The following FRMD4A variants were observed in gnomAD, a reference collection of about 807,000 sequenced individuals.
FRMD4A encodes the protein FERM domain-containing protein 4A.
FRMD4A carries 29 observed loss-of-function variants against 129.1 expected under a neutral mutation model. The ratio of observed to expected loss-of-function variants is 0.22; its 90% CI spans 0.17 to 0.31. The LOEUF (loss-of-function observed/expected upper bound fraction) is 0.31. Ranked by LOEUF, FRMD4A falls within the 10% of genes least tolerant of loss-of-function variation. The pLI, the probability that FRMD4A is intolerant of heterozygous loss-of-function variation, is 1.00. For missense variants in FRMD4A, 1,272 were observed against 1,375.8 expected, an observed-to-expected ratio of 0.92 and a Z score of 1.19; for synonymous variants, 634 against 571.6, an observed-to-expected ratio of 1.11 and a Z score of -1.56.
chr10:14,117,930 G>C (rs1039954776), intron 2 of FRMD4A, among the ~76,000 whole-genome samples: 5 of 152,116 alleles, frequency 3.3e-5, no homozygotes, highest in Non-Finnish European at 7.3e-5. Context: ...TCCCTAGAAA[G>C]TACCCTCGTG....
At chr10:13,728,471 A>G (rs1248732357) in intron 12 of FRMD4A, among the ~76,000 whole-genome samples, 1 of 151,054 alleles carries the variant, frequency 6.6e-6, no homozygotes. Flanking sequence ...ACTTTCCCCC[A>G]TGAATACTCA....
intron 2 of FRMD4A, among the ~76,000 whole-genome samples, chr10:13,953,194 C>T (rs1465026627): frequency 6.6e-6 from 1 of 152,156 alleles, no homozygotes; most frequent in African/African-American, 2.4e-5. Context: ...ATGCTCTTCC[C>T]CTTGTGAAAC....
intron 2 of FRMD4A, among the ~76,000 whole-genome samples, chr10:13,896,226 T>C (rs2094756671): frequency 6.6e-6 from 1 of 152,194 alleles, no homozygotes. Context: ...ACATATATGT[T>C]TATTGCAGCA....
intron 2 of FRMD4A, among the ~76,000 whole-genome samples, chr10:14,056,519 T>A (rs1261555343): frequency 6.6e-6 from 1 of 152,140 alleles, no homozygotes; most frequent in African/African-American, 2.4e-5. Context: ...CTAACTATAT[T>A]TTTTTGTACC....
intron 2 of FRMD4A, among the ~76,000 whole-genome samples, chr10:13,918,149 AT>A (rs969807321): frequency 6.6e-6 from 1 of 151,916 alleles, no homozygotes; most frequent in Admixed American, 6.5e-5. Flanking sequence ...ATGTTTATTT[AT>A]TTGTCCATTG....
chr10:13,921,258 C>CTCTT (rs1407038620), intron 2 of FRMD4A, among the ~76,000 whole-genome samples: 113 of 135,416 alleles, frequency 8.3e-4, no homozygotes, highest in African/African-American at 2.1e-3. Context: ...TTCTCTCTCT[C>CTCTT]TCTCTCTTTC....
intron 19 of FRMD4A, among the ~76,000 whole-genome samples, chr10:13,661,089 G>A (rs1404469369): frequency 1.3e-5 from 2 of 152,132 alleles, no homozygotes; most frequent in African/African-American, 4.8e-5. Context: ...TGGGTGGATC[G>A]GGTGTCTACT....
chr10:14,198,493 G>C (rs1453585672), intron 2 of FRMD4A, among the ~76,000 whole-genome samples: 1 of 152,216 alleles, frequency 6.6e-6, no homozygotes, highest in Admixed American at 6.5e-5. Flanking sequence ...CTGCATCCCA[G>C]GGAAAGTGAG....
chr10:13,905,010 A>AAAAAAAG (rs2094867094), intron 2 of FRMD4A, among the ~76,000 whole-genome samples: 6 of 150,670 alleles, frequency 4.0e-5, no homozygotes, highest in African/African-American at 1.2e-4. Flanking sequence ...AAAAAAAAAA[A>AAAAAAAG]GAAAAGAAAA....
At chr10:14,189,995 C>A (rs1193834031) in intron 2 of FRMD4A, among the ~76,000 whole-genome samples, 2 of 152,176 alleles carry the variant, frequency 1.3e-5, no homozygotes, top group Admixed American at 1.3e-4. Context: ...CACCTTGATA[C>A]CTCTAATACA....
intron 2 of FRMD4A, among the ~76,000 whole-genome samples, chr10:14,160,910 G>A (rs979826675): frequency 1.3e-5 from 2 of 152,162 alleles, no homozygotes; most frequent in Admixed American, 6.5e-5. Context: ...CACACTGTTG[G>A]TAGGAACGTA....
At chr10:13,860,050 G>A (rs1025415315) in intron 2 of FRMD4A, among the ~76,000 whole-genome samples, 3 of 152,162 alleles carry the variant, frequency 2.0e-5, no homozygotes, top group Admixed American at 6.5e-5. Context: ...CTGATTTGTA[G>A]CATTTGCTGG....
intron 2 of FRMD4A, among the ~76,000 whole-genome samples, chr10:13,860,112 G>GA (rs1439177961): frequency 2.0e-5 from 3 of 152,164 alleles, no homozygotes; most frequent in Non-Finnish European, 1.5e-5. Flanking sequence ...CCTTCTCATG[G>GA]ATGTCAACTG....
intron 2 of FRMD4A, among the ~76,000 whole-genome samples, chr10:13,935,476 GTT>G (rs2095241383): frequency 1.9e-5 from 2 of 104,508 alleles, no homozygotes; most frequent in South Asian, 3.1e-4. Context: ...AAAAAAAAAA[GTT>G]GTTACCAAAT....
At chr10:13,951,402 T>C (rs969294020) in intron 2 of FRMD4A, among the ~76,000 whole-genome samples, 2 of 151,854 alleles carry the variant, frequency 1.3e-5, no homozygotes, top group Non-Finnish European at 2.9e-5. Flanking sequence ...AAGATCTAAG[T>C]TTGAATGCAG....
chr10:14,029,177 T>G (rs1030592816), intron 2 of FRMD4A, among the ~76,000 whole-genome samples: 18 of 152,144 alleles, frequency 1.2e-4, no homozygotes, highest in Non-Finnish European at 7.3e-5. Flanking sequence ...GATCATCTCT[T>G]TCTCCCATTT....
chr10:14,253,016 A>G, intron 2 of FRMD4A, among the ~76,000 whole-genome samples: 1 of 152,230 alleles, frequency 6.6e-6, no homozygotes, highest in East Asian at 1.9e-4. Context: ...ATAACCTTTT[A>G]TTATACATAA....
At chr10:14,042,077 C>T (rs1263726813) in intron 2 of FRMD4A, among the ~76,000 whole-genome samples, 2 of 152,174 alleles carry the variant, frequency 1.3e-5, no homozygotes, top group Admixed American at 1.3e-4. Flanking sequence ...AAACTTCTCT[C>T]AGAAGCAAAA....
intron 15 of FRMD4A, chr10:13,685,770 T>A (rs2134783309): frequency 4.1e-6 from 1 of 243,926 alleles, no homozygotes; most frequent in Admixed American, 6.5e-5. Flanking sequence ...ATTGCACCAC[T>A]GCACTCAGGG....
Sources: gnomAD v4.1 joint callset for allele counts (sites outside exome capture counted in the v4.1 genomes callset) on GRCh38, gnomAD v4.1.1 for gene constraint, MANE v1.5 for transcripts, NCBI Gene and HGNC (gene_info 2026-07-23, HGNC 2026-07-21) for gene names.